PARVA: variants seen among roughly 807,000 people sequenced by gnomAD.
PARVA encodes the protein parvin alpha.
In PARVA, 25 loss-of-function variants were observed where a neutral mutation model predicts 52.6. That is an observed-to-expected ratio of 0.48 (90% CI 0.35 to 0.66). PARVA has a LOEUF of 0.66. Ranked by LOEUF, PARVA falls within the 30% of genes least tolerant of loss-of-function variation. PARVA has a pLI of 0.01. For missense variants in PARVA, 373 were observed against 450.9 expected (o/e 0.83, Z 1.56); for synonymous variants, 185 against 179.1 (o/e 1.03, Z -0.26).
At chr11:12,448,024 C>G (rs895965852) in intron 1 of PARVA, among the ~76,000 whole-genome samples, 3 of 152,168 alleles carry the variant, frequency 2.0e-5, no homozygotes, top group African/African-American at 7.2e-5. Flanking sequence ...CATTAGTTCT[C>G]CTCTCTTTCC....
intron 12 of PARVA, among the ~76,000 whole-genome samples, chr11:12,521,176 C>T (rs1941632139): frequency 6.6e-6 from 1 of 152,118 alleles, no homozygotes; most frequent in Non-Finnish European, 1.5e-5. Context: ...TAAGGAGTCT[C>T]ATACCTGGGA....
intron 3 of PARVA, among the ~76,000 whole-genome samples, chr11:12,474,449 G>A (rs1445174991): frequency 2.0e-5 from 3 of 151,980 alleles, no homozygotes; most frequent in East Asian, 1.9e-4. Flanking sequence ...ACGTACCTGC[G>A]CAGTGGCTGG....
intron 1 of PARVA, among the ~76,000 whole-genome samples, chr11:12,409,240 A>G (rs1939958294): frequency 6.6e-6 from 1 of 152,222 alleles, no homozygotes; most frequent in Non-Finnish European, 1.5e-5. Flanking sequence ...TGTGCCTGGT[A>G]CACAGAGATG....
At chr11:12,398,025 G>C (rs893362269) in intron 1 of PARVA, among the ~76,000 whole-genome samples, 5 of 152,244 alleles carry the variant, frequency 3.3e-5, no homozygotes, top group Non-Finnish European at 5.9e-5. Context: ...GCCCAGAACA[G>C]CTGGGCCCTG....
chr11:12,377,073 G>A (rs369814627), upstream of PARVA: 26 of 162,002 alleles, frequency 1.6e-4, no homozygotes, highest in Middle Eastern at 2.8e-3. Context: ...ATAGGTTCAG[G>A]AGTGATTGGT....
intron 5 of PARVA, among the ~76,000 whole-genome samples, chr11:12,501,645 C>G (rs933273727): frequency 6.6e-6 from 1 of 152,178 alleles, no homozygotes; most frequent in Admixed American, 6.5e-5. Flanking sequence ...AAACCATCCT[C>G]TTGTTATTGG....
intron 1 of PARVA, among the ~76,000 whole-genome samples, chr11:12,468,654 C>T (rs1369033011): frequency 1.3e-5 from 2 of 152,158 alleles, no homozygotes; most frequent in East Asian, 3.8e-4. Context: ...GACATATGAG[C>T]TTGAGTGGTT....
At chr11:12,431,303 A>T (rs965452910) in intron 1 of PARVA, among the ~76,000 whole-genome samples, 2 of 152,176 alleles carry the variant, frequency 1.3e-5, no homozygotes, top group African/African-American at 4.8e-5. Flanking sequence ...GCATTGTTAC[A>T]TATCTGTCAC....
intron 1 of PARVA, among the ~76,000 whole-genome samples, chr11:12,401,376 A>G (rs1378307049): frequency 6.6e-6 from 1 of 152,210 alleles, no homozygotes; most frequent in Non-Finnish European, 1.5e-5. Flanking sequence ...TTAACACACT[A>G]TTTCAATTTC....
intron 1 of PARVA, among the ~76,000 whole-genome samples, chr11:12,412,911 C>T (rs11022344): frequency 0.52 from 78,521 of 151,994 alleles, 21,139 homozygotes; most frequent in African/African-American, 0.69. Flanking sequence ...CAGGGCTTTT[C>T]TTTTGAATTC....
chr11:12,477,558 G>T (rs1160661673), intron 3 of PARVA, among the ~76,000 whole-genome samples: 1 of 152,128 alleles, frequency 6.6e-6, no homozygotes, highest in Admixed American at 6.6e-5. Context: ...GCACACACTG[G>T]GTTATGTGGA....
At chr11:12,482,925 C>CTGGCAG (rs1352951049) in intron 4 of PARVA, among the ~76,000 whole-genome samples, 5 of 152,188 alleles carry the variant, frequency 3.3e-5, no homozygotes, top group Non-Finnish European at 5.9e-5. Context: ...GACTTCTTGG[C>CTGGCAG]AGAGAGTTGT....
At chr11:12,499,995 G>A (rs537138479) in intron 5 of PARVA, among the ~76,000 whole-genome samples, 4 of 151,980 alleles carry the variant, frequency 2.6e-5, no homozygotes, top group Admixed American at 6.6e-5. Context: ...ATTGTTCTCC[G>A]TTTTCCCACT....
intron 10 of PARVA, among the ~76,000 whole-genome samples, chr11:12,514,953 C>G (rs2135079908): frequency 6.6e-6 from 1 of 152,340 alleles, no homozygotes; most frequent in East Asian, 1.9e-4. Flanking sequence ...GTGGCACTGA[C>G]ACTTTTTGAA....
intron 10 of PARVA, among the ~76,000 whole-genome samples, chr11:12,517,197 A>C (rs558487661): frequency 6.6e-6 from 1 of 151,664 alleles, no homozygotes; most frequent in Admixed American, 6.6e-5. Flanking sequence ...ACCTTTCTCA[A>C]CCTCACTCAG....
At chr11:12,509,917 C>T (rs1228964509) in intron 7 of PARVA, among the ~76,000 whole-genome samples, 2 of 152,156 alleles carry the variant, frequency 1.3e-5, no homozygotes, top group African/African-American at 4.8e-5. Context: ...ACTATTTCAC[C>T]TCTGGGAAAG....
chr11:12,444,160 CA>C (rs948592279), intron 1 of PARVA, among the ~76,000 whole-genome samples: 1 of 152,086 alleles, frequency 6.6e-6, no homozygotes, highest in Non-Finnish European at 1.5e-5. Context: ...AGGTTGGCCC[CA>C]AATGGTAAGG....
At chr11:12,421,980 C>A (rs1940157697) in intron 1 of PARVA, among the ~76,000 whole-genome samples, 1 of 152,204 alleles carries the variant, frequency 6.6e-6, no homozygotes, top group African/African-American at 2.4e-5. Context: ...GTTATTGCTG[C>A]TTTAACTTGA....
intron 1 of PARVA, among the ~76,000 whole-genome samples, chr11:12,445,849 G>A (rs1173580925): frequency 6.6e-6 from 1 of 152,182 alleles, no homozygotes; most frequent in Non-Finnish European, 1.5e-5. Flanking sequence ...GCATTTGTCA[G>A]ATCACATGTT....
Sources: allele counts gnomAD v4.1 joint callset (sites outside exome capture counted in the v4.1 genomes callset), GRCh38; gene constraint gnomAD v4.1.1; transcripts MANE v1.5; gene names NCBI Gene and HGNC (gene_info 2026-07-23, HGNC 2026-07-21).